The following ARHGEF38 variants were observed in gnomAD, a reference collection of about 807,000 sequenced individuals.
The protein encoded by ARHGEF38 is Rho guanine nucleotide exchange factor 38.
A neutral mutation model predicts 79.9 loss-of-function variants in ARHGEF38; 79 were observed. That is an observed-to-expected ratio of 0.99 (90% CI 0.82 to 1.19). The LOEUF is 1.19. ARHGEF38 is among the 50% of genes most tolerant of loss of function. The pLI is 0.00. For missense variants in ARHGEF38, 962 were observed against 907.2 expected, an observed-to-expected ratio of 1.06 and a Z score of -0.78; for synonymous variants, 366 against 328.3, an observed-to-expected ratio of 1.11 and a Z score of -1.24.
chr4:105,654,260 T>C, intron 8 of ARHGEF38, 91 bp downstream of exon 8: 1 of 722,752 alleles, frequency 1.4e-6, no homozygotes, highest in Non-Finnish European at 2.1e-6. Flanking sequence ...TAAATGTGAC[T>C]GTTCCTTCCT....
Position 105,665,173 on chromosome 4 carries a change from AT to A in ARHGEF38, c.1546-1002del, listed in dbSNP as rs1730702258. Among the ~76,000 whole-genome samples, 3 of 151,580 alleles carry A rather than the reference AT, an allele frequency of 2.0e-5. No individual in the cohort carries two copies. In the South Asian group the frequency reaches 6.3e-4, roughly 32 times the overall value. ...CCACCTCACTGGGCTAATTTTATTT[AT>A]TAATTATTATTATTATTATTTTGTA... On this transcript the variant is annotated intron_variant, in intron 10 of 13. Coordinates refer to ENST00000420470, the MANE Select transcript of ARHGEF38 (RefSeq NM_001242729.2).
chr4:105,675,151 C>T (rs555871027), intron 13 of ARHGEF38, among the ~76,000 whole-genome samples: 5 of 152,228 alleles, frequency 3.3e-5, no homozygotes, highest in Admixed American at 6.5e-5. Flanking sequence ...AGTCCCTCTC[C>T]GCAAGAATAC....
chr4:105,640,538 C>A lies in ARHGEF38; in HGVS notation c.674+4118C>A, dbSNP rs1391308874. Among the ~76,000 whole-genome samples, 6 of 152,050 alleles carry A rather than the reference C, an allele frequency of 3.9e-5. 1 individual carries two copies. Among genetic ancestry groups the A allele is most frequent in the Admixed American group, 2.0e-4 (3 of 15,244 alleles). ...TCCAGTCCAGTTGGACTGGTGACACCAGGTGCAGCCATCTTGTAGGAATTC... is the reference window on the plus strand; with the variant it reads ...TCCAGTCCAGTTGGACTGGTGACACAAGGTGCAGCCATCTTGTAGGAATTC... On this transcript the variant is annotated intron_variant, in intron 5 of 13. Transcript: ENST00000420470.
Position 105,645,213 on chromosome 4 carries a change from G to C in ARHGEF38, c.700G>C (p.Gly234Arg). 1 of 1,527,724 alleles carries C rather than the reference G, an allele frequency of 6.5e-7. No individual in the cohort carries two copies. The highest frequency in any genetic ancestry group is 8.7e-7 in the Non-Finnish European group (1 of 1,143,138). 94.6% of individuals were successfully genotyped at this position (1,527,724 alleles called of 1,614,324 possible). A position where few individuals can be genotyped will look rare whatever the true frequency, so the allele number is the denominator to read the frequency against. ...AGGCAAACCAAACTTATTGGACATGGGCTCTTTGATGATCAAACCAATTCA... is the reference window on the plus strand; with the variant it reads ...AGGCAAACCAAACTTATTGGACATGCGCTCTTTGATGATCAAACCAATTCA... ...QEGKPNLLDMGSLMIKPIQRV... is the reference protein window; with the variant it reads ...QEGKPNLLDMRSLMIKPIQRV... Residue 234 changes from glycine to arginine, a missense_variant, in exon 6 of 14, where the codon GGC (glycine) becomes CGC (arginine). By Grantham distance (125) the Gly-to-Arg change is moderately radical. Transcript: ENST00000420470.
intron 13 of ARHGEF38, among the ~76,000 whole-genome samples, chr4:105,669,977 G>C (rs1384251014): frequency 6.6e-6 from 1 of 151,962 alleles, no homozygotes. Context: ...GTACTTTGTT[G>C]CTTTTTATCG....
At chr4:105,620,120 A>G (rs558853165) in intron 3 of ARHGEF38, among the ~76,000 whole-genome samples, 72 of 152,312 alleles carry the variant, frequency 4.7e-4, no homozygotes, top group African/African-American at 1.6e-3. Flanking sequence ...CTGTACTGTC[A>G]TGCCAAGATA....
chr4:105,635,490 C>T (rs1729362779), intron 4 of ARHGEF38, among the ~76,000 whole-genome samples: 1 of 151,746 alleles, frequency 6.6e-6, no homozygotes, highest in South Asian at 2.1e-4. Flanking sequence ...AAAGAATAAC[C>T]TTCTCTTTCA....
At chr4:105,603,381 G>A (rs1198963082) in intron 2 of ARHGEF38, among the ~76,000 whole-genome samples, 2 of 152,110 alleles carry the variant, frequency 1.3e-5, no homozygotes, top group East Asian at 1.9e-4. Context: ...ACCCTCGGGA[G>A]GATGGGTGAG....
chr4:105,662,374 A>AT (rs923744688), intron 10 of ARHGEF38, among the ~76,000 whole-genome samples: 3 of 151,552 alleles, frequency 2.0e-5, no homozygotes, highest in South Asian at 4.2e-4. Flanking sequence ...TTCACTTGTG[A>AT]TTTTTTTTCA....
rs1427812254 is a variant in ARHGEF38, at chr4:105,677,924, T to C, written c.2321T>C (p.Met774Thr). The C allele has an allele frequency of 1.3e-6, 2 of 1,513,140 alleles. No individual in the cohort carries two copies. The highest frequency in any genetic ancestry group is 4.1e-5 in the Admixed American group (2 of 48,700). The allele number at this position is 1,513,140 out of a possible 1,614,324, so 93.7% of individuals were successfully genotyped here. The change falls in exon 14 of 14, where the codon ATG becomes ACG. Residue 774 changes from methionine (M) to threonine (T), a missense_variant. Coordinates refer to ENST00000420470, the MANE Select transcript of ARHGEF38 (RefSeq NM_001242729.2). ...GYVPANYLGKMTYA is the reference protein window; with the variant it reads ...GYVPANYLGKTTYA ...GTGCCAGCTAACTACCTTGGAAAGA[T>C]GACTTATGCTTAAGAAAATAAGCCT...
At chr4:105,657,923 A>G (rs1162235925) in intron 9 of ARHGEF38, among the ~76,000 whole-genome samples, 1 of 152,196 alleles carries the variant, frequency 6.6e-6, no homozygotes, top group Non-Finnish European at 1.5e-5. Flanking sequence ...ACAAAAGAGA[A>G]ACCTACTTCC....
chr4:105,666,384 A>G (rs935256714), intron 11 of ARHGEF38, 64 bp downstream of exon 11: 1 of 1,413,486 alleles, frequency 7.1e-7, no homozygotes, highest in Admixed American at 2.9e-5. Context: ...AAGTTGTAGT[A>G]TCATATTATT....
chr4:105,577,041 T>A (rs1251121900), intron 1 of ARHGEF38, among the ~76,000 whole-genome samples: 1 of 152,090 alleles, frequency 6.6e-6, no homozygotes, highest in Non-Finnish European at 1.5e-5. Context: ...GAATTTTGCA[T>A]CTATGTTCAA....
At chr4:105,582,590 G>A (rs375900954) in intron 1 of ARHGEF38, among the ~76,000 whole-genome samples, 2 of 151,854 alleles carry the variant, frequency 1.3e-5, no homozygotes, top group Non-Finnish European at 2.9e-5. Flanking sequence ...TAATTTCATG[G>A]TAGTTGTGGT....
chr4:105,626,977 G>T (rs1299240280), intron 3 of ARHGEF38, among the ~76,000 whole-genome samples: 1 of 151,806 alleles, frequency 6.6e-6, no homozygotes, highest in African/African-American at 2.4e-5. Flanking sequence ...TATGTCAAAA[G>T]TACACTGTTA....
chr4:105,630,867 T>C (rs746780541), intron 3 of ARHGEF38, 31 bp from the exon 4 acceptor site: 18 of 1,570,460 alleles, frequency 1.1e-5, no homozygotes, highest in Middle Eastern at 1.7e-4. Context: ...TGTCTGATGA[T>C]GTCATTTTGC....
intron 7 of ARHGEF38, among the ~76,000 whole-genome samples, chr4:105,651,852 A>G (rs145015139): frequency 3.2e-4 from 48 of 152,288 alleles, no homozygotes; most frequent in African/African-American, 1.0e-3. Flanking sequence ...TGAGATGTGA[A>G]TCCAGATGAG....
chr4:105,569,235 T>C (rs986183010), intron 1 of ARHGEF38, among the ~76,000 whole-genome samples: 2 of 152,198 alleles, frequency 1.3e-5, no homozygotes, highest in Non-Finnish European at 1.5e-5. Context: ...TTGGGGTAAA[T>C]GATTCAGATT....
chr4:105,664,413 T>C (rs1037658014), intron 10 of ARHGEF38, among the ~76,000 whole-genome samples: 2 of 152,234 alleles, frequency 1.3e-5, no homozygotes, highest in African/African-American at 4.8e-5. Flanking sequence ...TCTTGTGTTG[T>C]CATTTCATTA....
Sources: allele counts gnomAD v4.1 joint callset (sites outside exome capture counted in the v4.1 genomes callset), GRCh38; gene constraint gnomAD v4.1.1; transcripts MANE v1.5; gene names NCBI Gene and HGNC (gene_info 2026-07-23, HGNC 2026-07-21).